Variants in SORCS3 observed in about 807,000 individuals in gnomAD.
The protein encoded by SORCS3 is sortilin related VPS10 domain containing receptor 3, also known as VPS10 domain-containing receptor SorCS3.
Under a neutral mutation model 146.3 loss-of-function variants are expected in SORCS3, and 57 were observed. The observed-to-expected ratio is 0.39, with a 90% confidence interval of 0.31 to 0.49. The LOEUF (loss-of-function observed/expected upper bound fraction) is 0.49, where lower values mean the gene tolerates loss of function less well. Ranked by LOEUF, SORCS3 falls within the 20% of genes least tolerant of loss-of-function variation. SORCS3 has a pLI of 0.92. For missense variants in SORCS3, 1,341 were observed against 1,575.5 expected, an observed-to-expected ratio of 0.85 and a Z score of 2.52; for synonymous variants, 653 against 618.5, an observed-to-expected ratio of 1.06 and a Z score of -0.83.
chr10:104,930,116 C>A (rs1450264650), intron 3 of SORCS3, among the ~76,000 whole-genome samples: 1 of 151,862 alleles, frequency 6.6e-6, no homozygotes, highest in Non-Finnish European at 1.5e-5. Context: ...GGACATTTAA[C>A]AGAGTGATTG....
intron 1 of SORCS3, among the ~76,000 whole-genome samples, chr10:104,666,755 G>T (rs551187066): frequency 1.3e-5 from 2 of 152,080 alleles, no homozygotes; most frequent in Admixed American, 1.3e-4. Context: ...ATAGGTGCAT[G>T]CCTCCATACC....
chr10:105,164,640 C>A (rs1413044712), intron 12 of SORCS3, among the ~76,000 whole-genome samples: 1 of 152,132 alleles, frequency 6.6e-6, no homozygotes. Flanking sequence ...TGTAACAGGT[C>A]CAGATGCTAA....
chr10:104,864,202 GC>G (rs2018435213), intron 2 of SORCS3, among the ~76,000 whole-genome samples: 1 of 152,088 alleles, frequency 6.6e-6, no homozygotes. Context: ...TTGCTATCTT[GC>G]CCAGAGGTGT....
At chr10:104,662,697 G>A (rs1032491837) in intron 1 of SORCS3, among the ~76,000 whole-genome samples, 2 of 152,174 alleles carry the variant, frequency 1.3e-5, no homozygotes, top group African/African-American at 4.8e-5. Context: ...TTGAATATTT[G>A]TACTTAAGCT....
In SORCS3 at chr10:104,660,391, A is replaced by T. The variant is rs542588913; in HGVS notation, c.627+18437A>T. Among the ~76,000 whole-genome samples the T allele has an allele frequency of 5.3e-5, 8 of 152,316 alleles. No individual in the cohort carries two copies. The East Asian group carries it at 1.5e-3, about 29-fold the overall frequency. On this transcript the variant is annotated intron_variant, in intron 1 of 26. Coordinates refer to ENST00000369701, the MANE Select transcript of SORCS3 (RefSeq NM_014978.3). ...AAAGCATGACCACCTATGGGTTAAC[A>T]TTTAGGTAGTGGAGGAACTTCTAGG...
At chr10:105,209,201 G>A (rs2056620307) in intron 16 of SORCS3, among the ~76,000 whole-genome samples, 1 of 152,046 alleles carries the variant, frequency 6.6e-6, no homozygotes, top group African/African-American at 2.4e-5. Context: ...GAGTGCAGTG[G>A]TGCGGTCTTG....
chr10:104,707,281 T>C (rs1288065629), intron 1 of SORCS3, among the ~76,000 whole-genome samples: 1 of 152,220 alleles, frequency 6.6e-6, no homozygotes, highest in African/African-American at 2.4e-5. Flanking sequence ...AGGACTTCCT[T>C]CACAGAGCTG....
At chr10:104,977,076 T>G (rs1342688142) in intron 3 of SORCS3, among the ~76,000 whole-genome samples, 2 of 151,360 alleles carry the variant, frequency 1.3e-5, no homozygotes, top group African/African-American at 2.4e-5. Flanking sequence ...AAAAAAAAAG[T>G]TCCCGGTGCT....
At position 105,049,747 on chromosome 10, in the gene SORCS3, A is replaced by G. The variant is rs144655015; in HGVS notation, c.1028+6619A>G. Among the ~76,000 whole-genome samples the G allele has an allele frequency of 4.6e-5, 7 of 152,076 alleles. 1 individual carries two copies. The highest frequency in any genetic ancestry group is 1.0e-4 in the Non-Finnish European group (7 of 67,978). ...GACCAAATAGCACATGTTCTCACTT[A>G]TAAGCAGGAGCTAAACCTTGGATAT... On this transcript the variant is annotated intron_variant, in intron 5 of 26. Coordinates refer to ENST00000369701, the MANE Select transcript of SORCS3 (RefSeq NM_014978.3).
At chr10:105,042,045 T>A (rs1262741873) in intron 4 of SORCS3, among the ~76,000 whole-genome samples, 1 of 152,232 alleles carries the variant, frequency 6.6e-6, no homozygotes, top group Admixed American at 6.5e-5. Context: ...ATAGGAGGTT[T>A]ATGTTCTCAC....
At chr10:105,082,512 C>G (rs1158993958) in intron 5 of SORCS3, among the ~76,000 whole-genome samples, 1 of 152,160 alleles carries the variant, frequency 6.6e-6, no homozygotes, top group Non-Finnish European at 1.5e-5. Context: ...TCTTCTAACT[C>G]TATGAAGTAG....
At chr10:105,135,334 T>C (rs2133775289) in intron 7 of SORCS3, among the ~76,000 whole-genome samples, 1 of 152,186 alleles carries the variant, frequency 6.6e-6, no homozygotes, top group South Asian at 2.1e-4. Flanking sequence ...GCTCCTCCCT[T>C]CAAATTGTTT....
intron 19 of SORCS3, among the ~76,000 whole-genome samples, chr10:105,222,906 C>T (rs2119670288): frequency 6.6e-6 from 1 of 152,338 alleles, no homozygotes; most frequent in Middle Eastern, 3.4e-3. Flanking sequence ...TCAGATGCCA[C>T]TCAAAAAATC....
chr10:105,015,578 GT>G (rs1006918999), intron 4 of SORCS3, among the ~76,000 whole-genome samples: 1 of 152,098 alleles, frequency 6.6e-6, no homozygotes, highest in African/African-American at 2.4e-5. Flanking sequence ...ACAATATCAT[GT>G]TTCAAGATAC....
chr10:104,867,024 C>G (rs1339010937), intron 2 of SORCS3, among the ~76,000 whole-genome samples: 1 of 152,168 alleles, frequency 6.6e-6, no homozygotes, highest in Non-Finnish European at 1.5e-5. Context: ...GGCCTAGACA[C>G]CACGTGAGGA....
chr10:104,982,942 A>T (rs1352280131), intron 4 of SORCS3, among the ~76,000 whole-genome samples: 1 of 152,218 alleles, frequency 6.6e-6, no homozygotes, highest in African/African-American at 2.4e-5. Context: ...ATTCGAATGA[A>T]CAACCTTTAG....
chr10:105,039,183 G>A (rs1167899525), intron 4 of SORCS3, among the ~76,000 whole-genome samples: 2 of 152,130 alleles, frequency 1.3e-5, no homozygotes. Context: ...AGGTGGAGAG[G>A]TTTTCAAGAT....
chr10:105,080,551 C>G (rs999212995), intron 5 of SORCS3, among the ~76,000 whole-genome samples: 1 of 152,068 alleles, frequency 6.6e-6, no homozygotes, highest in African/African-American at 2.4e-5. Context: ...TAATTAGATT[C>G]CATTTGTCAT....
chr10:104,684,212 C>T (rs190927732), intron 1 of SORCS3, among the ~76,000 whole-genome samples: 75 of 152,262 alleles, frequency 4.9e-4, no homozygotes, highest in African/African-American at 1.7e-3. Flanking sequence ...AGCTGTAACC[C>T]AGGAAGCATG....
Sources: gnomAD v4.1 joint callset for allele counts (sites outside exome capture counted in the v4.1 genomes callset) on GRCh38, gnomAD v4.1.1 for gene constraint, MANE v1.5 for transcripts, NCBI Gene and HGNC (gene_info 2026-07-23, HGNC 2026-07-21) for gene names.